Variants in TMEM135 observed in about 807,000 individuals in gnomAD.
TMEM135 encodes the protein transmembrane protein 135.
TMEM135 carries 30 observed loss-of-function variants against 60.3 expected under a neutral mutation model. That is an observed-to-expected ratio of 0.50 (90% CI 0.37 to 0.68). TMEM135 has a LOEUF of 0.68. TMEM135 is among the 30% of genes least tolerant of loss of function. The pLI is 0.00. For missense variants in TMEM135, 468 were observed against 548.8 expected, an observed-to-expected ratio of 0.85 and a Z score of 1.47; for synonymous variants, 190 against 186.7, an observed-to-expected ratio of 1.02 and a Z score of -0.14.
chr11:87,040,096 T>C (rs1949737837), intron 1 of TMEM135, among the ~76,000 whole-genome samples: 1 of 152,240 alleles, frequency 6.6e-6, no homozygotes, highest in Non-Finnish European at 1.5e-5. Context: ...TTGCTACTCC[T>C]CGGTAGTTGT....
At chr11:87,158,963 G>A (rs955150533) in intron 5 of TMEM135, among the ~76,000 whole-genome samples, 1 of 152,046 alleles carries the variant, frequency 6.6e-6, no homozygotes, top group African/African-American at 2.4e-5. Context: ...TTTTTTCATA[G>A]GGTGGGCAAT....
At chr11:87,258,053 T>G (rs748150105) in intron 6 of TMEM135, among the ~76,000 whole-genome samples, 13 of 152,072 alleles carry the variant, frequency 8.5e-5, no homozygotes, top group Admixed American at 1.3e-4. Context: ...AAATTACATT[T>G]ATAGTCTTTA....
chr11:87,192,046 A>G (rs1939819591), intron 5 of TMEM135, among the ~76,000 whole-genome samples: 1 of 126,322 alleles, frequency 7.9e-6, no homozygotes, highest in Admixed American at 9.8e-5. Context: ...CAGTGGCGCG[A>G]TCTGGGCTTA....
At chr11:87,057,224 T>G (rs192035340) in intron 1 of TMEM135, among the ~76,000 whole-genome samples, 10 of 152,328 alleles carry the variant, frequency 6.6e-5, no homozygotes, top group African/African-American at 2.2e-4. Context: ...AACTTTTATA[T>G]AAAAATTTGA....
chr11:87,156,830 C>A (rs1452449554), intron 4 of TMEM135, among the ~76,000 whole-genome samples: 1 of 152,110 alleles, frequency 6.6e-6, no homozygotes, highest in Non-Finnish European at 1.5e-5. Flanking sequence ...TTAAATGCTA[C>A]ATTTGAACTT....
At chr11:87,287,739 C>T (rs957891866) in intron 6 of TMEM135, among the ~76,000 whole-genome samples, 8 of 152,042 alleles carry the variant, frequency 5.3e-5, no homozygotes, top group Non-Finnish European at 1.2e-4. Flanking sequence ...ATTATAGTTA[C>T]CTAATTATCC....
At chr11:87,129,930 G>A (rs1019786309) in intron 4 of TMEM135, among the ~76,000 whole-genome samples, 17 of 114,670 alleles carry the variant, frequency 1.5e-4, no homozygotes, top group African/African-American at 5.2e-4. Context: ...TAGAATGTAA[G>A]TAATTCAGGA....
At position 87,322,960 on chromosome 11, in the gene TMEM135, C is replaced by T. The variant is rs34021269; in HGVS notation, c.*1627C>T. ...AAATTTAATCTTAACTTTTTATTCA[C>T]TGGAATCAAAACGATGGTTGGTACT... On this transcript the variant is annotated 3_prime_UTR_variant, in exon 15 of 15. Transcript: ENST00000305494. The T allele has an allele frequency of 0.13, 61,031 of 454,214 alleles. 4,362 individuals are homozygous for T. Among genetic ancestry groups the T allele is most frequent in the South Asian group, 0.15 (9,586 of 64,444 alleles). The allele number at this position is 454,214 out of a possible 1,614,324, so 28.1% of individuals were successfully genotyped here.
At chr11:87,189,874 G>A (rs1283545595) in intron 5 of TMEM135, among the ~76,000 whole-genome samples, 2 of 151,906 alleles carry the variant, frequency 1.3e-5, no homozygotes, top group Non-Finnish European at 2.9e-5. Flanking sequence ...CCTTGATCAT[G>A]CTTTGCATTC....
intron 5 of TMEM135, among the ~76,000 whole-genome samples, chr11:87,220,863 T>G (rs1405772393): frequency 1.3e-5 from 2 of 152,200 alleles, no homozygotes; most frequent in African/African-American, 4.8e-5. Context: ...TTTAATAACC[T>G]ACATTTTCAA....
At chr11:87,075,095 TA>T (rs1056982519) in intron 3 of TMEM135, among the ~76,000 whole-genome samples, 3 of 152,120 alleles carry the variant, frequency 2.0e-5, no homozygotes, top group Admixed American at 6.6e-5. Context: ...CCCCGACCAG[TA>T]GCTGGGACTA....
intron 6 of TMEM135, among the ~76,000 whole-genome samples, chr11:87,247,204 C>G (rs1489637496): frequency 2.6e-5 from 4 of 152,110 alleles, no homozygotes; most frequent in African/African-American, 9.7e-5. Context: ...TCTGATCGTT[C>G]CTCTGGAAGT....
chr11:87,291,633 C>T (rs1344463388), intron 6 of TMEM135, among the ~76,000 whole-genome samples: 1 of 149,716 alleles, frequency 6.7e-6, no homozygotes, highest in African/African-American at 2.5e-5. Flanking sequence ...CTGCCACCTC[C>T]CCAGTTCCAG....
At chr11:87,104,376 C>A (rs1857541570) in intron 4 of TMEM135, among the ~76,000 whole-genome samples, 1 of 152,066 alleles carries the variant, frequency 6.6e-6, no homozygotes, top group Non-Finnish European at 1.5e-5. Context: ...GTGATGGCTT[C>A]TAGCTTTGTT....
At chr11:87,213,415 G>A (rs755832389) in intron 5 of TMEM135, among the ~76,000 whole-genome samples, 4 of 152,156 alleles carry the variant, frequency 2.6e-5, no homozygotes, top group Non-Finnish European at 5.9e-5. Flanking sequence ...AGGGTACCTA[G>A]AGTGTAATGA....
intron 7 of TMEM135, among the ~76,000 whole-genome samples, chr11:87,300,611 G>T (rs545344593): frequency 4.6e-5 from 7 of 152,184 alleles, no homozygotes; most frequent in East Asian, 1.9e-4. Context: ...TGTGCCTGTC[G>T]TATAAGATAT....
chr11:87,191,402 G>A (rs543935310), intron 5 of TMEM135, among the ~76,000 whole-genome samples: 5 of 152,046 alleles, frequency 3.3e-5, no homozygotes, highest in East Asian at 3.9e-4. Context: ...CACCACGCCC[G>A]GCTAATATTT....
intron 13 of TMEM135, among the ~76,000 whole-genome samples, chr11:87,318,873 TC>T (rs1266826929): frequency 1.3e-3 from 189 of 148,400 alleles, no homozygotes; most frequent in African/African-American, 4.5e-3. Flanking sequence ...CTTTTTTTTT[TC>T]TTTTTTTTTT....
intron 4 of TMEM135, among the ~76,000 whole-genome samples, chr11:87,138,297 G>A (rs923236681): frequency 2.6e-5 from 4 of 151,946 alleles, no homozygotes; most frequent in East Asian, 1.9e-4. Flanking sequence ...CACCATGTTG[G>A]CCAGGCTGGT....
Sources: gnomAD v4.1 joint callset for allele counts (sites outside exome capture counted in the v4.1 genomes callset) on GRCh38, gnomAD v4.1.1 for gene constraint, MANE v1.5 for transcripts, NCBI Gene and HGNC (gene_info 2026-07-23, HGNC 2026-07-21) for gene names.